The following LRRC4B variants were observed in gnomAD, a reference collection of about 807,000 sequenced individuals.
LRRC4B encodes leucine-rich repeat-containing protein 4B.
A neutral mutation model predicts 7.3 loss-of-function variants in LRRC4B; 1 was observed. That is an observed-to-expected ratio of 0.14 (90% confidence interval 0.05 to 0.65). The LOEUF (loss-of-function observed/expected upper bound fraction) is 0.65, where lower values mean the gene tolerates loss of function less well. LRRC4B is among the 30% of genes least tolerant of loss of function. The pLI is 0.84. For synonymous variants in LRRC4B, 500 were observed against 499.2 expected, an observed-to-expected ratio of 1.00 and a Z score of -0.02; for missense variants, 730 against 1,041.6, an observed-to-expected ratio of 0.70 and a Z score of 4.12.
chr19:50,553,347 A>G lies in LRRC4B; in HGVS notation c.-35-4474T>C, dbSNP rs1379283. On this transcript the variant is annotated intron_variant, in intron 1 of 2. Coordinates refer to ENST00000652263, the MANE Select transcript of LRRC4B (RefSeq NM_001080457.2). The surrounding 1 kb of genome is among the most constrained non-coding windows in gnomAD (Gnocchi z 4.2). ...AGCTCCCGTCCCACTCAGAGCAGAG[A>G]TGAGGACTTCAGTTTTCAGGTCTCC... Among the ~76,000 whole-genome samples, 152,012 of 152,268 alleles carry G rather than the reference A, an allele frequency of 1. 75,883 individuals carry two copies. Among genetic ancestry groups the G allele is most frequent in the Middle Eastern group, 1 (294 of 294 alleles).
At chr19:50,544,325 T>A (rs1437690103) in intron 2 of LRRC4B, among the ~76,000 whole-genome samples, 1 of 150,938 alleles carries the variant, frequency 6.6e-6, no homozygotes, top group African/African-American at 2.4e-5. Context: ...GCTAACACAG[T>A]GAAACCTCAT....
chr19:50,555,785 G>T lies in LRRC4B; in HGVS notation c.-35-6912C>A, dbSNP rs1375569956. On this transcript the variant is annotated intron_variant, in intron 1 of 2. Transcript: ENST00000652263. The surrounding 1 kb of genome is among the most constrained non-coding windows in gnomAD (Gnocchi z 5.2). ...GCACTCATTTTTTGGGGTGGGGTGGGGGGCTAAATTCAGACGGCCAGAGGG... is the reference window on the plus strand; with the variant it reads ...GCACTCATTTTTTGGGGTGGGGTGGTGGGCTAAATTCAGACGGCCAGAGGG... The T allele has an allele frequency of 6.6e-6, 1 of 152,336 alleles. No homozygotes were observed. The highest frequency in any genetic ancestry group is 2.4e-5 in the African/African-American group (1 of 41,412). The allele number at this position is 152,336 out of a possible 1,614,324, so 9.4% of individuals were successfully genotyped here.
chr19:50,549,809 C>A (rs1166506934), intron 1 of LRRC4B, among the ~76,000 whole-genome samples: 1 of 152,138 alleles, frequency 6.6e-6, no homozygotes, highest in African/African-American at 2.4e-5. Flanking sequence ...GCAGAGACAG[C>A]CCCGATGGGA....
rs1388020516 is a variant in LRRC4B, at chr19:50,537,040, A to G, written c.297+11502T>C. Among the ~76,000 whole-genome samples the G allele has an allele frequency of 6.6e-6, 1 of 152,176 alleles. No homozygotes were observed. Among genetic ancestry groups the G allele is most frequent in the Non-Finnish European group, 1.5e-5 (1 of 68,022 alleles). On this transcript the variant is annotated intron_variant, in intron 2 of 2. Transcript: ENST00000652263. The surrounding 1 kb of genome is among the most constrained non-coding windows in gnomAD (Gnocchi z 5.5). Reference sequence around the variant, plus strand: ...GCTAGGAAGAAGCTGGGGCTTCCAGATGAGCAAGGACAAGGCCAGAGCCAG... The same window carrying G: ...GCTAGGAAGAAGCTGGGGCTTCCAGGTGAGCAAGGACAAGGCCAGAGCCAG...
In LRRC4B at chr19:50,533,626, T is replaced by C. The variant is rs147097094; in HGVS notation, c.298-14211A>G. On this transcript the variant is annotated intron_variant, in intron 2 of 2. Transcript: ENST00000652263. ...AATAATGCAAAGCTGATCTCATCTC[T>C]GACTCTAAAACAAAGAGACATCCTG... is the stretch of plus-strand genomic sequence containing the variant. 8.5e-5 allele frequency among the ~76,000 whole-genome samples: 13 copies of C among 152,374 alleles called. No individual in the cohort carries two copies. The East Asian group carries it at 2.5e-3, about 29-fold the overall frequency.
At chr19:50,547,456 A>C (rs1301555450) in intron 2 of LRRC4B, among the ~76,000 whole-genome samples, 1 of 151,866 alleles carries the variant, frequency 6.6e-6, no homozygotes, top group African/African-American at 2.4e-5. Flanking sequence ...GAGCTGTTAC[A>C]TCTGGAAGAT....
chr19:50,566,054 CAGG>C (rs1391175935), intron 1 of LRRC4B, among the ~76,000 whole-genome samples: 2 of 152,044 alleles, frequency 1.3e-5, no homozygotes, highest in Admixed American at 1.3e-4. Context: ...ATCCGGTGGC[CAGG>C]AGGAGAGGAG....
In LRRC4B at chr19:50,537,390, A is replaced by C. The variant is rs1001048289; in HGVS notation, c.297+11152T>G. ...GAGCAATGCTGGGGGCCCGACTGACATTCTCCCGCCCACCCTCGCTGAGCT... is the reference window on the plus strand; with the variant it reads ...GAGCAATGCTGGGGGCCCGACTGACCTTCTCCCGCCCACCCTCGCTGAGCT... On this transcript the variant is annotated intron_variant, in intron 2 of 2. Transcript: ENST00000652263. This position sits in a 1 kb window ranked among gnomAD's most constrained non-coding sequence, Gnocchi z 5.5. 2.0e-5 allele frequency among the ~76,000 whole-genome samples: 3 copies of C among 152,084 alleles called. No individual in the cohort carries two copies.
At chr19:50,538,559 G>GTTTTTT (rs71886675) in intron 2 of LRRC4B, among the ~76,000 whole-genome samples, 18 of 90,350 alleles carry the variant, frequency 2.0e-4, no homozygotes, top group Non-Finnish European at 3.8e-4. Flanking sequence ...GTTTTGTCTT[G>GTTTTTT]TTTTTTTTTT....
chr19:50,549,315 C>T (rs892639489), intron 1 of LRRC4B, among the ~76,000 whole-genome samples: 2 of 152,150 alleles, frequency 1.3e-5, no homozygotes, highest in Non-Finnish European at 2.9e-5. Context: ...AGCGAGGTGG[C>T]GAGGACCTCG....
rs1027313047 is a variant in LRRC4B, at chr19:50,563,685, G to T, written c.-36+4259C>A. Among the ~76,000 whole-genome samples the T allele has an allele frequency of 6.6e-6, 1 of 152,226 alleles. No homozygotes were observed. Among genetic ancestry groups the T allele is most frequent in the Non-Finnish European group, 1.5e-5 (1 of 68,038 alleles). ...GATGCCACATGCTGGGGACAAGAGT[G>T]TGGGGTCTGTGGCCCACCCCAGCCA... On this transcript the variant is annotated intron_variant, in intron 1 of 2. Transcript: ENST00000652263. This position sits in a 1 kb window ranked among gnomAD's most constrained non-coding sequence, Gnocchi z 4.9.
At chr19:50,565,829 C>T (rs1325320204) in intron 1 of LRRC4B, among the ~76,000 whole-genome samples, 1 of 140,196 alleles carries the variant, frequency 7.1e-6, no homozygotes. Flanking sequence ...GCGTGTGTCC[C>T]CGGCTCCCCG....
At position 50,536,842 on chromosome 19, in the gene LRRC4B, C is replaced by A. The variant is rs553393657; in HGVS notation, c.297+11700G>T. On this transcript the variant is annotated intron_variant, in intron 2 of 2. Coordinates refer to ENST00000652263, the MANE Select transcript of LRRC4B (RefSeq NM_001080457.2). ...GAAGGGGCTGGGGTAGCTTCTGGTGCCCAGTAGAGGGTGCCCCTGAGCTTG... is the reference window on the plus strand; with the variant it reads ...GAAGGGGCTGGGGTAGCTTCTGGTGACCAGTAGAGGGTGCCCCTGAGCTTG... Among the ~76,000 whole-genome samples the A allele has an allele frequency of 2.5e-3, 373 of 152,244 alleles. 4 individuals carry two copies. The highest frequency in any genetic ancestry group is 8.4e-3 in the African/African-American group (348 of 41,550).
chr19:50,548,440 G>T lies in LRRC4B; in HGVS notation c.297+102C>A. On this transcript the variant is annotated intron_variant, in intron 2 of 2. Coordinates refer to ENST00000652263, the MANE Select transcript of LRRC4B (RefSeq NM_001080457.2). This position sits in a 1 kb window ranked among gnomAD's most constrained non-coding sequence, Gnocchi z 6.8. ...GGCCACATCCACAGGTGCCGGAGAC[G>T]GGGAAGCCCCGGTGTGGGGAGGCCC... 6.2e-6 allele frequency: 9 copies of T among 1,460,924 alleles called. No individual in the cohort carries two copies. The South Asian group carries it at 7.5e-5, about 12-fold the overall frequency. 90.5% of individuals were successfully genotyped at this position (1,460,924 alleles called of 1,614,324 possible).
At chr19:50,529,065 A>G (rs1980940416) in intron 2 of LRRC4B, among the ~76,000 whole-genome samples, 1 of 151,364 alleles carries the variant, frequency 6.6e-6, no homozygotes, top group Admixed American at 6.6e-5. Flanking sequence ...CTGCCAGGGG[A>G]CCCCCCCAGA....
intron 2 of LRRC4B, among the ~76,000 whole-genome samples, chr19:50,543,660 G>A (rs1382138655): frequency 1.3e-5 from 2 of 148,354 alleles, no homozygotes; most frequent in South Asian, 2.2e-4. Flanking sequence ...GAGACCAGCC[G>A]GGTCAATATG....
intron 2 of LRRC4B, among the ~76,000 whole-genome samples, chr19:50,542,187 G>A (rs531624204): frequency 5.9e-5 from 9 of 152,306 alleles, no homozygotes; most frequent in African/African-American, 2.2e-4. Context: ...AGGGAGGGAA[G>A]GAGGAAGGAG....
At chr19:50,545,440 G>T (rs1314691271) in intron 2 of LRRC4B, among the ~76,000 whole-genome samples, 4 of 151,306 alleles carry the variant, frequency 2.6e-5, no homozygotes, top group Non-Finnish European at 4.4e-5. Flanking sequence ...AATTAGCTGG[G>T]TGTGATGGTG....
At chr19:50,533,448 C>G (rs1361850155) in intron 2 of LRRC4B, among the ~76,000 whole-genome samples, 24 of 145,358 alleles carry the variant, frequency 1.7e-4, no homozygotes, top group Non-Finnish European at 1.6e-4. Context: ...TAATTCTTCT[C>G]TTCTCCTCCC....
Sources: gnomAD v4.1 joint callset for allele counts (sites outside exome capture counted in the v4.1 genomes callset) on GRCh38, gnomAD v4.1.1 for gene constraint, Gnocchi (gnomAD v3.1) non-coding constraint, MANE v1.5 for transcripts, NCBI Gene and HGNC (gene_info 2026-07-23, HGNC 2026-07-21) for gene names.